Variants in FAM222B observed in about 807,000 individuals in gnomAD.
FAM222B encodes the protein protein FAM222B.
A neutral mutation model predicts 38.0 loss-of-function variants in FAM222B; 12 were observed. That is an observed-to-expected ratio of 0.32 (90% CI 0.20 to 0.51). FAM222B has a LOEUF of 0.51. Ranked by LOEUF, FAM222B falls within the 20% of genes least tolerant of loss-of-function variation. FAM222B has a pLI of 0.97. For synonymous variants in FAM222B, 329 were observed against 317.2 expected, an observed-to-expected ratio of 1.04 and a Z score of -0.40; for missense variants, 716 against 754.2, an observed-to-expected ratio of 0.95 and a Z score of 0.59.
chr17:28,781,382 T>C (rs953417311), intron 1 of FAM222B, among the ~76,000 whole-genome samples: 6 of 151,948 alleles, frequency 3.9e-5, no homozygotes, highest in African/African-American at 1.2e-4. Flanking sequence ...TATATATATA[T>C]ATAAATTGTT....
At position 28,758,066 on chromosome 17, in the gene FAM222B, T is replaced by C. The variant is rs965215718; in HGVS notation, c.*204A>G. 21 of 512,504 alleles carry C rather than the reference T, an allele frequency of 4.1e-5. No individual in the cohort carries two copies. The highest frequency in any genetic ancestry group is 6.8e-5 in the Non-Finnish European group (20 of 293,572). 31.7% of individuals were successfully genotyped at this position (512,504 alleles called of 1,614,324 possible). On this transcript the variant is annotated 3_prime_UTR_variant, in exon 3 of 3. Coordinates refer to ENST00000581407, the MANE Select transcript of FAM222B (RefSeq NM_001077498.3). ...AGAAAAGCCTGGGCTTAGGGTTAGG[T>C]TCTAACATAAAACCAAAAGTTGCTG... is the stretch of plus-strand genomic sequence containing the variant.
upstream of FAM222B, among the ~76,000 whole-genome samples, chr17:28,845,256 C>T (rs1303602914): frequency 2.0e-5 from 3 of 151,908 alleles, no homozygotes; most frequent in African/African-American, 7.3e-5. Context: ...AAAAAATTAG[C>T]CGGGCATGGT....
intron 1 of FAM222B, among the ~76,000 whole-genome samples, chr17:28,837,424 C>A (rs1190050856): frequency 1.4e-5 from 2 of 146,778 alleles, no homozygotes; most frequent in Non-Finnish European, 1.5e-5. Flanking sequence ...AGGGAGACTC[C>A]GTCTCAAAAA....
At chr17:28,812,728 G>A (rs552167356) in intron 1 of FAM222B, among the ~76,000 whole-genome samples, 98 of 151,742 alleles carry the variant, frequency 6.5e-4, no homozygotes, top group African/African-American at 2.3e-3. Context: ...GTGAAGCTGC[G>A]CCCCTTTGCA....
rs747274282 is a variant in FAM222B, at chr17:28,758,641, C to G, written c.1318G>C (p.Ala440Pro). 6.2e-7 allele frequency: 1 copy of G among 1,611,100 alleles called. No homozygotes were observed. Among genetic ancestry groups the G allele is most frequent in the Admixed American group, 1.7e-5 (1 of 59,956 alleles). The change falls in exon 3 of 3, where the codon GCC becomes CCC. Residue 440 changes from alanine to proline, a missense_variant. Transcript: ENST00000581407. ...TPSPPVNGMA[A>P]PLAYPNGHYF... ...TGACCATTGGGGTAGGCCAATGGGG[C>G]TGCCATGCCGTTGACTGGTGGGGAT...
chr17:28,834,264 TTAAA>T (rs1332555789), intron 1 of FAM222B: 3 of 152,192 alleles, frequency 2.0e-5, no homozygotes, highest in African/African-American at 4.8e-5. Flanking sequence ...TTACTTCTAC[TTAAA>T]TAGTGATCTA....
At chr17:28,763,050 C>T (rs2035161314) in intron 2 of FAM222B, among the ~76,000 whole-genome samples, 1 of 152,080 alleles carries the variant, frequency 6.6e-6, no homozygotes, top group African/African-American at 2.4e-5. Context: ...ACACAGATAC[C>T]ACAGCTTTGT....
At chr17:28,827,714 T>C (rs1389138023) in intron 1 of FAM222B, among the ~76,000 whole-genome samples, 1 of 152,148 alleles carries the variant, frequency 6.6e-6, no homozygotes, top group Non-Finnish European at 1.5e-5. Context: ...GAAATGTCCT[T>C]GGAAGAAAAG....
chr17:28,829,435 G>C (rs967651048), intron 1 of FAM222B, among the ~76,000 whole-genome samples: 1 of 152,144 alleles, frequency 6.6e-6, no homozygotes, highest in Non-Finnish European at 1.5e-5. Context: ...GCCTCCCAAA[G>C]TGCTGGGATT....
At chr17:28,782,761 G>T (rs1816450792) in intron 1 of FAM222B, among the ~76,000 whole-genome samples, 1 of 152,100 alleles carries the variant, frequency 6.6e-6, no homozygotes, top group African/African-American at 2.4e-5. Context: ...CCAGCTACTT[G>T]GGAGGCTGCA....
intron 1 of FAM222B, among the ~76,000 whole-genome samples, chr17:28,814,881 C>G (rs939808010): frequency 6.7e-6 from 1 of 149,784 alleles, no homozygotes; most frequent in Non-Finnish European, 1.5e-5. Context: ...TCAAGCGATT[C>G]TCCTGCCTCA....
At chr17:28,767,319 C>A (rs1013647945) in intron 1 of FAM222B, among the ~76,000 whole-genome samples, 34 of 152,088 alleles carry the variant, frequency 2.2e-4, no homozygotes, top group African/African-American at 7.2e-4. Context: ...CCACGCCTGG[C>A]TAATTTCTTT....
Position 28,784,491 on chromosome 17 carries a change from TAAAAAAAAAAAAAAAAAAAAAAAAAA to T in FAM222B, c.-40-17810_-40-17785del, listed in dbSNP as rs559624246. On this transcript the variant is annotated intron_variant, in intron 1 of 2. Transcript: ENST00000581407. The stretch of plus-strand genomic sequence containing the variant: ...AACAACAGAGTAAGATCCCCTCTCT[TAAAAAAAAAAAAAAAAAAAAAAAAAA>T]AAAAAAAAAAAAAAGGCAATAATCA... Among the ~76,000 whole-genome samples, 7 of 36,050 alleles carry T rather than the reference TAAAAAAAAAAAAAAAAAAAAAAAAAA, an allele frequency of 1.9e-4. 2 individuals are homozygous for T. The East Asian group carries it at 3.3e-3, about 17-fold the overall frequency. The allele number at this position is 36,050 out of a possible 152,430, so 23.7% of individuals were successfully genotyped here. A position where few individuals can be genotyped will look rare whatever the true frequency, so the allele number is the denominator to read the frequency against.
At chr17:28,803,883 G>A (rs1377919797) in intron 1 of FAM222B, among the ~76,000 whole-genome samples, 1 of 151,896 alleles carries the variant, frequency 6.6e-6, no homozygotes, top group East Asian at 1.9e-4. Context: ...TTGGGAGGCT[G>A]AGGCAGAGAA....
At chr17:28,841,007 C>G (rs1200788467) in intron 1 of FAM222B, among the ~76,000 whole-genome samples, 2 of 147,248 alleles carry the variant, frequency 1.4e-5, no homozygotes, top group African/African-American at 5.0e-5. Flanking sequence ...ATAAAGATAA[C>G]AAAATAGCCA....
At chr17:28,798,978 T>C (rs985525807) in intron 1 of FAM222B, among the ~76,000 whole-genome samples, 1 of 150,350 alleles carries the variant, frequency 6.7e-6, no homozygotes, top group Non-Finnish European at 1.5e-5. Flanking sequence ...TCCTGTTGTT[T>C]TTTTTTTCTT....
chr17:28,807,020 C>CA (rs1044959222), intron 1 of FAM222B, among the ~76,000 whole-genome samples: 1 of 144,144 alleles, frequency 6.9e-6, no homozygotes, highest in Non-Finnish European at 1.5e-5. Context: ...CTTTTTTTAT[C>CA]TTTTTTTTTT....
chr17:28,790,215 G>A (rs2036600833), intron 1 of FAM222B, among the ~76,000 whole-genome samples: 1 of 152,078 alleles, frequency 6.6e-6, no homozygotes, highest in African/African-American at 2.4e-5. Flanking sequence ...ACATTGGAAG[G>A]CTGAAAAGGA....
chr17:28,766,266 C>A (rs564000869), intron 2 of FAM222B, among the ~76,000 whole-genome samples: 5 of 152,074 alleles, frequency 3.3e-5, no homozygotes, highest in South Asian at 2.1e-4. Flanking sequence ...ACCAGCCTGG[C>A]CAACATGGTG....
Sources: allele counts gnomAD v4.1 joint callset (sites outside exome capture counted in the v4.1 genomes callset), GRCh38; gene constraint gnomAD v4.1.1; transcripts MANE v1.5; gene names NCBI Gene and HGNC (gene_info 2026-07-23, HGNC 2026-07-21).